TP63: variants seen among roughly 807,000 people sequenced by gnomAD.
The protein encoded by TP63 is tumor protein 63.
TP63 carries 17 observed loss-of-function variants against 82.8 expected under a neutral mutation model. The ratio of observed to expected loss-of-function variants is 0.21; its 90% confidence interval spans 0.14 to 0.31. The LOEUF is 0.31. Ranked by LOEUF, TP63 falls within the 10% of genes least tolerant of loss-of-function variation. The probability of loss-of-function intolerance (pLI) is 1.00; values close to 1 mark genes in which losing one functional copy is unlikely to be tolerated. For synonymous variants in TP63, 330 were observed against 321.7 expected, an observed-to-expected ratio of 1.03 and a Z score of -0.28; for missense variants, 648 against 895.3, an observed-to-expected ratio of 0.72 and a Z score of 3.52.
chr3:189,739,525 T>G (rs1198286881), intron 3 of TP63, among the ~76,000 whole-genome samples: 1 of 152,206 alleles, frequency 6.6e-6, no homozygotes, highest in East Asian at 1.9e-4. Context: ...GAATTCTATG[T>G]GCATATGCAG....
the TP63 span, among the ~76,000 whole-genome samples, chr3:189,622,783 C>T: frequency 2.0e-5 from 3 of 152,122 alleles, no homozygotes; most frequent in Non-Finnish European, 4.4e-5. Context: ...TTTCTTAAGC[C>T]GTCTGAGTCT....
At chr3:189,868,074 C>T (rs112175312) in intron 7 of TP63, 132 bp downstream of exon 7, 9 of 784,210 alleles carry the variant, frequency 1.1e-5, no homozygotes, top group African/African-American at 8.6e-5. Flanking sequence ...TAAATCCTTG[C>T]TACAAACGGT....
chr3:189,639,635 C>T (rs1560076998), intron 1 of TP63, among the ~76,000 whole-genome samples: 1 of 152,062 alleles, frequency 6.6e-6, no homozygotes. Context: ...TTCTCAAATT[C>T]CATTAACTCA....
intron 3 of TP63, among the ~76,000 whole-genome samples, chr3:189,740,164 G>T (rs1720881802): frequency 6.6e-6 from 1 of 152,116 alleles, no homozygotes; most frequent in South Asian, 2.1e-4. Context: ...TACAGATATA[G>T]TTCTCAATCC....
chr3:189,809,455 T>C (rs1727293545), intron 4 of TP63, among the ~76,000 whole-genome samples: 1 of 152,164 alleles, frequency 6.6e-6, no homozygotes, highest in African/African-American at 2.4e-5. Flanking sequence ...ACCTACAAAG[T>C]TGGTTTTAAC....
At chr3:189,656,532 A>G (rs975095671) in intron 1 of TP63, among the ~76,000 whole-genome samples, 6 of 152,160 alleles carry the variant, frequency 3.9e-5, no homozygotes, top group Admixed American at 3.9e-4. Context: ...ATTAAATGTG[A>G]ATGGTTTAAA....
chr3:189,837,422 T>C (rs1472373565), intron 4 of TP63, among the ~76,000 whole-genome samples: 2 of 152,208 alleles, frequency 1.3e-5, no homozygotes, highest in Non-Finnish European at 2.9e-5. Context: ...ATTTGAAATT[T>C]CCAATTTCAG....
intron 10 of TP63, among the ~76,000 whole-genome samples, chr3:189,882,942 G>A (rs957315804): frequency 6.6e-6 from 1 of 152,146 alleles, no homozygotes; most frequent in Non-Finnish European, 1.5e-5. Context: ...CTGTTACACT[G>A]AATTCTTAGA....
intron 1 of TP63, among the ~76,000 whole-genome samples, chr3:189,717,688 A>T (rs1719064141): frequency 6.6e-6 from 1 of 152,212 alleles, no homozygotes; most frequent in East Asian, 1.9e-4. Context: ...AAGCTGCTTA[A>T]TGCTTCTGCA....
At chr3:189,728,510 T>C (rs1461920416) in intron 1 of TP63, among the ~76,000 whole-genome samples, 1 of 152,198 alleles carries the variant, frequency 6.6e-6, no homozygotes, top group African/African-American at 2.4e-5. Flanking sequence ...GGGAAGATGG[T>C]GGATTATGTA....
chr3:189,787,143 T>C (rs959499048), intron 3 of TP63, among the ~76,000 whole-genome samples: 1 of 152,092 alleles, frequency 6.6e-6, no homozygotes, highest in Non-Finnish European at 1.5e-5. Context: ...TTTCCACCAA[T>C]ATGTTCCTTT....
intron 4 of TP63, among the ~76,000 whole-genome samples, chr3:189,831,951 C>T (rs1173799066): frequency 1.3e-5 from 2 of 149,964 alleles, no homozygotes; most frequent in African/African-American, 4.9e-5. Flanking sequence ...CCTGCCCCAA[C>T]CTCCTGAGTA....
chr3:189,639,943 T>A (rs986691996), intron 1 of TP63, among the ~76,000 whole-genome samples: 1 of 152,106 alleles, frequency 6.6e-6, no homozygotes, highest in Non-Finnish European at 1.5e-5. Context: ...AATGCTGACA[T>A]TTTATCAATG....
intron 1 of TP63, among the ~76,000 whole-genome samples, chr3:189,660,090 C>G (rs1713736622): frequency 6.6e-6 from 1 of 151,968 alleles, no homozygotes; most frequent in African/African-American, 2.4e-5. Flanking sequence ...GTTTTTGTTG[C>G]AATTGCTTTT....
chr3:189,886,208 C>A (rs550676614), intron 10 of TP63, among the ~76,000 whole-genome samples, 186 bp from the exon 11 acceptor site: 1 of 152,342 alleles, frequency 6.6e-6, no homozygotes, highest in South Asian at 2.1e-4. Flanking sequence ...GCCTCGCAGT[C>A]AGTTTCTCCC....
intron 10 of TP63, chr3:189,880,174 C>G: frequency 6.2e-7 from 1 of 1,612,518 alleles, no homozygotes; most frequent in Non-Finnish European, 8.5e-7. Flanking sequence ...TCAGTGTACC[C>G]ATAGAGCCCT....
intron 10 of TP63, among the ~76,000 whole-genome samples, chr3:189,875,625 T>TACACAC (rs1719059655): frequency 4.4e-5 from 5 of 112,584 alleles, no homozygotes; most frequent in Non-Finnish European, 7.7e-5. Flanking sequence ...TATATATATA[T>TACACAC]ATATATATAT....
chr3:189,712,003 A>G (rs1051356138), intron 1 of TP63, among the ~76,000 whole-genome samples: 5 of 152,170 alleles, frequency 3.3e-5, no homozygotes, highest in African/African-American at 9.6e-5. Flanking sequence ...TAGTAGCTAA[A>G]TGGTAGGCAG....
At chr3:189,840,359 C>CTTTTTTTTTTTTTTTTTTTTCTTTTTTT (rs1713830907) in intron 4 of TP63, among the ~76,000 whole-genome samples, 1 of 44,448 alleles carries the variant, frequency 2.2e-5, no homozygotes, top group African/African-American at 1.1e-4. Context: ...TGCTTTTCGT[C>CTTTTTTTTTTTTTTTTTTTTCTTTTTTT]TTTTTTTTTT....
Sources: gnomAD v4.1 joint callset for allele counts (sites outside exome capture counted in the v4.1 genomes callset) on GRCh38, gnomAD v4.1.1 for gene constraint, MANE v1.5 for transcripts, NCBI Gene and HGNC (gene_info 2026-07-23, HGNC 2026-07-21) for gene names.